The following TRIM36 variants were observed in gnomAD, a reference collection of about 807,000 sequenced individuals.
TRIM36 encodes the protein tripartite motif containing 36, also known as E3 ubiquitin-protein ligase TRIM36.
TRIM36 carries 42 observed loss-of-function variants against 72.4 expected under a neutral mutation model. The observed-to-expected ratio is 0.58, with a 90% CI of 0.45 to 0.75. The LOEUF (loss-of-function observed/expected upper bound fraction) is 0.75, where lower values mean the gene tolerates loss of function less well. Ranked by LOEUF, TRIM36 falls within the 30% of genes least tolerant of loss-of-function variation. The pLI is 0.00. For missense variants in TRIM36, 913 were observed against 857.1 expected (o/e 1.07, Z -0.81); for synonymous variants, 315 against 282.8 (o/e 1.11, Z -1.14).
chr5:115,157,875 A>G (rs1173003952), intron 2 of TRIM36, among the ~76,000 whole-genome samples: 3 of 152,306 alleles, frequency 2.0e-5, no homozygotes, highest in Non-Finnish European at 2.9e-5. Context: ...GGAAAACCAA[A>G]CATCATATGG....
At chr5:115,133,599 G>A (rs534504116) in intron 8 of TRIM36, among the ~76,000 whole-genome samples, 92 of 152,076 alleles carry the variant, frequency 6.0e-4, no homozygotes, top group Non-Finnish European at 1.2e-3. Flanking sequence ...TACTAGCTCT[G>A]CTCACCCAAA....
intron 4 of TRIM36, among the ~76,000 whole-genome samples, chr5:115,142,500 G>A (rs945532846): frequency 6.6e-6 from 1 of 152,190 alleles, no homozygotes; most frequent in Non-Finnish European, 1.5e-5. Context: ...ACTCAAAGAG[G>A]TAAGGACCAG....
chr5:115,134,118 G>C lies in TRIM36; in HGVS notation c.1240C>G (p.Gln414Glu), dbSNP rs767531964. 1.2e-6 allele frequency: 2 copies of C among 1,602,670 alleles called. No individual in the cohort carries two copies. The highest frequency in any genetic ancestry group is 1.3e-5 in the African/African-American group (1 of 74,512). ...AAGGCATTGTTATAAACTTTGCTCT[G>C]TTCCTCATTGATCTCTGGCACGTCT... is the stretch of plus-strand genomic sequence containing the variant. Reference protein sequence around the residue: ...GIDVPEINEEQSKVYNNALIN... With the variant: ...GIDVPEINEEESKVYNNALIN... The change falls in exon 8 of 10, where the codon CAG (glutamine) becomes GAG (glutamate). Residue 414 changes from glutamine to glutamate, a missense_variant. Gln to Glu is a conservative substitution (Grantham distance 29, BLOSUM62 2). Coordinates refer to ENST00000513154, the MANE Select transcript of TRIM36 (RefSeq NM_001300759.2).
At chr5:115,127,341 A>G (rs1301598879) in intron 9 of TRIM36, among the ~76,000 whole-genome samples, 1 of 152,234 alleles carries the variant, frequency 6.6e-6, no homozygotes, top group East Asian at 1.9e-4. Context: ...CAGGAGGACC[A>G]CTTGAGGCCA....
chr5:115,178,050 ACTT>A (rs1755427521), intron 1 of TRIM36, among the ~76,000 whole-genome samples: 1 of 151,568 alleles, frequency 6.6e-6, no homozygotes, highest in Admixed American at 6.6e-5. Context: ...GTTCTGCCCT[ACTT>A]CCCCATTTCG....
intron 2 of TRIM36, among the ~76,000 whole-genome samples, chr5:115,151,042 G>C (rs1430230575): frequency 6.6e-6 from 1 of 152,178 alleles, no homozygotes; most frequent in African/African-American, 2.4e-5. Flanking sequence ...GCCACAACTT[G>C]GGGGAGGGTG....
intron 8 of TRIM36, among the ~76,000 whole-genome samples, chr5:115,132,499 GT>G (rs1288273417): frequency 1.3e-5 from 2 of 149,952 alleles, no homozygotes; most frequent in Non-Finnish European, 3.0e-5. Context: ...AGCTGAGATG[GT>G]GCCACTGTAC....
intron 5 of TRIM36, among the ~76,000 whole-genome samples, chr5:115,140,483 A>G (rs1386902218): frequency 6.6e-6 from 1 of 152,192 alleles, no homozygotes; most frequent in Non-Finnish European, 1.5e-5. Flanking sequence ...ATCTTTACCC[A>G]CACACTCAAT....
chr5:115,147,752 A>C (rs1198097604), intron 2 of TRIM36, among the ~76,000 whole-genome samples: 2 of 152,252 alleles, frequency 1.3e-5, no homozygotes, highest in African/African-American at 4.8e-5. Flanking sequence ...TTACTTTTAT[A>C]CACCATATCC....
chr5:115,138,755 C>A (rs1257574164), intron 5 of TRIM36, among the ~76,000 whole-genome samples: 1 of 152,120 alleles, frequency 6.6e-6, no homozygotes, highest in Admixed American at 6.5e-5. Context: ...GACTGGCAAA[C>A]ACTCCTAAGC....
chr5:115,137,252 T>C, intron 6 of TRIM36, 111 bp downstream of exon 6: 1 of 1,482,672 alleles, frequency 6.7e-7, no homozygotes, highest in Non-Finnish European at 9.0e-7. Flanking sequence ...AGGCAAGATG[T>C]ACCTCACATT....
chr5:115,147,256 C>T lies in TRIM36; in HGVS notation c.401G>A (p.Arg134His), dbSNP rs892158205. 1.4e-5 allele frequency: 23 copies of T among 1,614,062 alleles called. No homozygotes were observed. The highest frequency in any genetic ancestry group is 1.8e-5 in the Non-Finnish European group (21 of 1,180,040). Residue 134 changes from arginine to histidine, a missense_variant, in exon 3 of 10, where the codon CGT (arginine) becomes CAT (histidine). Physicochemically the swap from Arg to His is conservative, Grantham distance 29. Coordinates refer to ENST00000513154, the MANE Select transcript of TRIM36 (RefSeq NM_001300759.2). ...FTLETIVERY[R>H]QAARAATAIM... is the part of the protein sequence containing the mutation. ...GGCTGTGGCTGCCCTAGCTGCTTGACGATATCTTTCCACAATAGTTTCCAA... is the reference window on the plus strand; with the variant it reads ...GGCTGTGGCTGCCCTAGCTGCTTGATGATATCTTTCCACAATAGTTTCCAA...
chr5:115,180,294 C>G (rs1755560925), upstream of TRIM36: 4 of 360,808 alleles, frequency 1.1e-5, no homozygotes, highest in South Asian at 1.3e-4. Flanking sequence ...TCTAACGGAA[C>G]AAACGAGGGC....
At chr5:115,134,214 A>C (rs1752843201) in intron 7 of TRIM36, 67 bp from the exon 8 acceptor site, 2 of 1,405,058 alleles carry the variant, frequency 1.4e-6, no homozygotes, top group East Asian at 2.5e-5. Context: ...GTTTTTCCTC[A>C]ATAAAATGAC....
intron 3 of TRIM36, 50 bp from the exon 4 acceptor site, chr5:115,144,794 T>C (rs1251567662): frequency 1.3e-6 from 2 of 1,530,742 alleles, no homozygotes; most frequent in South Asian, 2.6e-5. Flanking sequence ...TTTCAAGTAA[T>C]CTAACAAATT....
At position 115,141,390 on chromosome 5, in the gene TRIM36, CG is replaced by C; in HGVS notation, c.736-17del. The C allele has an allele frequency of 6.4e-7, 1 of 1,552,018 alleles. No homozygotes were observed. The highest frequency in any genetic ancestry group is 8.7e-7 in the Non-Finnish European group (1 of 1,149,002). On this transcript the variant is annotated splice_polypyrimidine_tract_variant and intron_variant, in intron 4 of 9. Coordinates refer to ENST00000513154, the MANE Select transcript of TRIM36 (RefSeq NM_001300759.2). Reference sequence around the variant, plus strand: ...AAAGCTTTTCCTGTTGAAACATATTCGTAACACAAATAGACAAAACGGGAGT... The same window carrying C: ...AAAGCTTTTCCTGTTGAAACATATTCTAACACAAATAGACAAAACGGGAGT...
chr5:115,155,934 CAG>C (rs529706955), intron 2 of TRIM36, among the ~76,000 whole-genome samples: 247 of 152,216 alleles, frequency 1.6e-3, no homozygotes, highest in African/African-American at 5.6e-3. Context: ...GCTCCTAAAA[CAG>C]ATAAAAAAAT....
intron 2 of TRIM36, among the ~76,000 whole-genome samples, chr5:115,153,336 T>C (rs1026763619): frequency 9.2e-5 from 13 of 141,044 alleles, no homozygotes; most frequent in African/African-American, 3.5e-4. Flanking sequence ...CAGGAAAATA[T>C]CACAATCCTA....
intron 3 of TRIM36, among the ~76,000 whole-genome samples, chr5:115,146,311 T>G (rs936668152): frequency 6.6e-6 from 1 of 152,202 alleles, no homozygotes; most frequent in African/African-American, 2.4e-5. Flanking sequence ...TTCCCCATTT[T>G]TTATTACAAA....
Sources: gnomAD v4.1 joint callset for allele counts (sites outside exome capture counted in the v4.1 genomes callset) on GRCh38, gnomAD v4.1.1 for gene constraint, MANE v1.5 for transcripts, NCBI Gene and HGNC (gene_info 2026-07-23, HGNC 2026-07-21) for gene names.